The following DPY19L3 variants were observed in gnomAD, a reference collection of about 807,000 sequenced individuals.
DPY19L3 encodes the protein dpy-19 like C-mannosyltransferase 3.
In DPY19L3, 51 loss-of-function variants were observed where a neutral mutation model predicts 92.3. The ratio of observed to expected loss-of-function variants is 0.55; its 90% CI spans 0.44 to 0.70. DPY19L3 has a LOEUF of 0.70. DPY19L3 is among the 30% of genes least tolerant of loss of function. The probability of loss-of-function intolerance (pLI) is 0.00; values close to 1 mark genes in which losing one functional copy is unlikely to be tolerated. For synonymous variants in DPY19L3, 309 were observed against 315.2 expected (o/e 0.98, Z 0.21); for missense variants, 706 against 855.9 (o/e 0.82, Z 2.18).
At chr19:32,453,349 A>G (rs894896287) in intron 9 of DPY19L3, 73 bp downstream of exon 9, 18 of 1,432,510 alleles carry the variant, frequency 1.3e-5, no homozygotes, top group Non-Finnish European at 1.5e-5. Context: ...CCTTATTTTC[A>G]CACAGCATAC....
rs538435412 is a variant in DPY19L3, at chr19:32,483,795, G to A, written c.*1555G>A. The A allele has an allele frequency of 1.2e-4, 19 of 152,616 alleles. No homozygotes were observed. The highest frequency in any genetic ancestry group is 2.1e-4 in the Non-Finnish European group (14 of 68,026). The allele number at this position is 152,616 out of a possible 1,614,324, so 9.5% of individuals were successfully genotyped here. ...CTTAATAAGATTGGAGACCACTGCC[G>A]TTTAGGATAATACAATAATAAAACG... On this transcript the variant is annotated 3_prime_UTR_variant, in exon 19 of 19. Coordinates refer to ENST00000392250, the MANE Select transcript of DPY19L3 (RefSeq NM_001172774.2).
At chr19:32,447,339 G>A (rs964190448) in intron 8 of DPY19L3, among the ~76,000 whole-genome samples, 1 of 152,102 alleles carries the variant, frequency 6.6e-6, no homozygotes, top group African/African-American at 2.4e-5. Flanking sequence ...AAAAAAGGGA[G>A]CAAAATAAAT....
intron 8 of DPY19L3, among the ~76,000 whole-genome samples, chr19:32,444,268 G>A (rs1161101215): frequency 6.6e-6 from 1 of 152,088 alleles, no homozygotes; most frequent in Non-Finnish European, 1.5e-5. Flanking sequence ...CAAAGAAGAA[G>A]CAAGTGGAAA....
At chr19:32,471,729 TTG>T (rs1453844172) in intron 16 of DPY19L3, among the ~76,000 whole-genome samples, 1 of 152,090 alleles carries the variant, frequency 6.6e-6, no homozygotes, top group East Asian at 1.9e-4. Context: ...TAAGGGTAAA[TTG>T]AAAGATGTGG....
chr19:32,465,962 T>A (rs2145605308), intron 15 of DPY19L3, among the ~76,000 whole-genome samples: 1 of 152,352 alleles, frequency 6.6e-6, no homozygotes, highest in East Asian at 1.9e-4. Context: ...CCTGTCAGTT[T>A]ACCTTTACAC....
rs754190946 is a variant in DPY19L3 at position 32,454,936 on chromosome 19, T to C, written c.988-3T>C. On this transcript the variant is annotated splice_polypyrimidine_tract_variant and splice_region_variant and intron_variant, in intron 9 of 18. Transcript: ENST00000392250. ...ATTAAAACATAACTCTTTTAATTTCTAGAAAAATCTGAAAACTGGAAGCTT... is the reference window on the plus strand; with the variant it reads ...ATTAAAACATAACTCTTTTAATTTCCAGAAAAATCTGAAAACTGGAAGCTT... The C allele has an allele frequency of 5.2e-6, 8 of 1,528,438 alleles. No individual in the cohort carries two copies. Among genetic ancestry groups the C allele is most frequent in the Non-Finnish European group, 7.1e-6 (8 of 1,133,618 alleles). 94.7% of individuals were successfully genotyped at this position (1,528,438 alleles called of 1,614,324 possible).
At chr19:32,477,391 C>G in intron 16 of DPY19L3, 131 bp from the exon 17 acceptor site, 13 of 1,213,110 alleles carry the variant, frequency 1.1e-5, no homozygotes, top group Non-Finnish European at 1.5e-5. Context: ...AGCAAACTCC[C>G]GTTTTTTTTC....
intron 3 of DPY19L3, among the ~76,000 whole-genome samples, chr19:32,418,328 C>G (rs1159831894): frequency 6.6e-6 from 1 of 152,232 alleles, no homozygotes; most frequent in Non-Finnish European, 1.5e-5. Context: ...GTTAATACCT[C>G]TGCCTAGGCA....
In DPY19L3 at chr19:32,467,174, T is replaced by A. The variant is rs988412426; in HGVS notation, c.1615-1557T>A. ...GGATTGCTGAAATCTCTACTGCTGA[T>A]TGGTAAAAACGGCAGTTAGTTAATT... On this transcript the variant is annotated intron_variant, in intron 15 of 18. Coordinates refer to ENST00000392250, the MANE Select transcript of DPY19L3 (RefSeq NM_001172774.2). Among the ~76,000 whole-genome samples the A allele has an allele frequency of 3.3e-5, 5 of 152,320 alleles. No homozygotes were observed. The South Asian group carries it at 1.0e-3, about 32-fold the overall frequency.
chr19:32,435,780 G>T (rs1439763430), intron 4 of DPY19L3, among the ~76,000 whole-genome samples: 1 of 152,182 alleles, frequency 6.6e-6, no homozygotes, highest in Non-Finnish European at 1.5e-5. Flanking sequence ...TCATGCCTTG[G>T]ATTAATTAGC....
rs376397948 is a variant in DPY19L3 at position 32,464,741 on chromosome 19, G to A, written c.1571G>A (p.Arg524Gln). 7 of 1,511,016 alleles carry A rather than the reference G, an allele frequency of 4.6e-6. No homozygotes were observed. Among genetic ancestry groups the A allele is most frequent in the Admixed American group, 2.0e-5 (1 of 51,002 alleles). 93.6% of individuals were successfully genotyped at this position (1,511,016 alleles called of 1,614,324 possible). Residue 524 changes from arginine to glutamine, a missense_variant, in exon 15 of 19, where the codon CGA (arginine) becomes CAA (glutamine). Transcript: ENST00000392250. Reference protein sequence around the residue: ...LYNPKRICIMRYSVPILILLY... With the variant: ...LYNPKRICIMQYSVPILILLY... ...TTTCTTATATAGATATGTATAATGC[G>A]ATATTCAGTACCGATATTAATACTG... is the stretch of plus-strand genomic sequence containing the variant.
In DPY19L3 at chr19:32,410,083, C is replaced by A. The variant is rs116080505; in HGVS notation, c.104-1156C>A. Among the ~76,000 whole-genome samples, 790 of 152,290 alleles carry A rather than the reference C, an allele frequency of 5.2e-3. 5 individuals are homozygous for A. The highest frequency in any genetic ancestry group is 0.018 in the African/African-American group (741 of 41,560). On this transcript the variant is annotated intron_variant, in intron 2 of 18. Transcript: ENST00000392250. ...TGTTTGAAGATGTCTATTTTTTATA[C>A]CCTTACCAAAACAGTATTAGCATTT...
intron 3 of DPY19L3, among the ~76,000 whole-genome samples, chr19:32,419,761 T>C (rs1968502591): frequency 6.6e-6 from 1 of 152,138 alleles, no homozygotes; most frequent in African/African-American, 2.4e-5. Context: ...CTGCCTATCT[T>C]CAGAGCCCAA....
At chr19:32,447,840 A>AT (rs1890887767) in intron 8 of DPY19L3, among the ~76,000 whole-genome samples, 1 of 152,036 alleles carries the variant, frequency 6.6e-6, no homozygotes, top group Non-Finnish European at 1.5e-5. Context: ...AGATAGATAG[A>AT]TAGATAGATA....
At chr19:32,409,578 A>G (rs1233353542) in intron 2 of DPY19L3, among the ~76,000 whole-genome samples, 2 of 152,314 alleles carry the variant, frequency 1.3e-5, no homozygotes, top group East Asian at 1.9e-4. Context: ...ATTTATAAAG[A>G]AAAGAGGTTT....
intron 3 of DPY19L3, among the ~76,000 whole-genome samples, chr19:32,428,830 T>TTTG (rs1968859851): frequency 6.7e-6 from 1 of 149,660 alleles, no homozygotes; most frequent in African/African-American, 2.5e-5. Context: ...AGTTTTTTTT[T>TTTG]TGTTTTTTTT....
At chr19:32,468,640 A>C in intron 15 of DPY19L3, 91 bp from the exon 16 acceptor site, 1 of 1,537,870 alleles carries the variant, frequency 6.5e-7, no homozygotes. Flanking sequence ...CACACATTAT[A>C]TGCAGTTTAT....
At chr19:32,408,091 GA>G (rs993782644) in intron 1 of DPY19L3, 125 bp from the exon 2 acceptor site, 121 of 585,738 alleles carry the variant, frequency 2.1e-4, no homozygotes, top group East Asian at 3.8e-4. Flanking sequence ...TTGGGGGGAA[GA>G]AAAAAAAAGG....
Position 32,482,174 on chromosome 19 carries a change from G to A in DPY19L3, c.2085G>A (p.Val695=), listed in dbSNP as rs1970693719. 3 of 1,613,724 alleles carry A rather than the reference G, an allele frequency of 1.9e-6. No homozygotes were observed. The highest frequency in any genetic ancestry group is 2.5e-6 in the Non-Finnish European group (3 of 1,179,828). The change falls in exon 19 of 19, where the codon GTG becomes GTA. Residue 695 remains valine, a synonymous_variant. Transcript: ENST00000392250. The stretch of plus-strand genomic sequence containing the variant: ...TCAAAAGAAACCTGCCTCCCTACGT[G>A]GCCTACTTCACCAGAGTGTTCCAGA... ...EEIKRNLPPY[V]AYFTRVFQNK...
Sources: gnomAD v4.1 joint callset for allele counts (sites outside exome capture counted in the v4.1 genomes callset) on GRCh38, gnomAD v4.1.1 for gene constraint, MANE v1.5 for transcripts, NCBI Gene and HGNC (gene_info 2026-07-23, HGNC 2026-07-21) for gene names.